ZNF737: variants seen among roughly 807,000 people sequenced by gnomAD.
ZNF737 encodes zinc finger protein 102 (Y3).
In ZNF737, 13 loss-of-function variants were observed where a neutral mutation model predicts 11.7. The ratio of observed to expected loss-of-function variants is 1.11; its 90% confidence interval spans 0.73 to 1.77. The LOEUF is 1.77. Among genes scored for constraint, ZNF737 ranks in the 40% most tolerant of loss-of-function variants. The probability of loss-of-function intolerance (pLI) is 0.00; values close to 1 mark genes in which losing one functional copy is unlikely to be tolerated. For synonymous variants in ZNF737, 217 were observed against 216.2 expected (o/e 1.00, Z -0.03); for missense variants, 636 against 638.0 (o/e 1.00, Z 0.03).
rs1234721320 is a variant in ZNF737 at position 20,541,353 on chromosome 19, A to C, written c.*3239T>G. ...TTAACTCTATGTAAATTAAAACTAAAAGTCTATGTGTTTGCAGGCAGAGAC... is the reference window on the plus strand; with the variant it reads ...TTAACTCTATGTAAATTAAAACTAACAGTCTATGTGTTTGCAGGCAGAGAC... On this transcript the variant is annotated 3_prime_UTR_variant, in exon 4 of 4. Coordinates refer to ENST00000427401, the MANE Select transcript of ZNF737 (RefSeq NM_001159293.2). The C allele has an allele frequency of 1.0e-6, 1 of 984,038 alleles. No homozygotes were observed. Among genetic ancestry groups the C allele is most frequent in the Non-Finnish European group, 1.2e-6 (1 of 828,792 alleles). The allele number at this position is 984,038 out of a possible 1,614,324, so 61.0% of individuals were successfully genotyped here. A position where few individuals can be genotyped will look rare whatever the true frequency, so the allele number is the denominator to read the frequency against.
At chr19:20,552,943 T>C (rs1264877848) in intron 2 of ZNF737, among the ~76,000 whole-genome samples, 1 of 148,694 alleles carries the variant, frequency 6.7e-6, no homozygotes, top group African/African-American at 2.5e-5. Context: ...ACCTGGGAGG[T>C]GGATGTTTCA....
Position 20,540,227 on chromosome 19 carries a change from T to C in ZNF737, c.*4365A>G. On this transcript the variant is annotated 3_prime_UTR_variant, in exon 4 of 4. Coordinates refer to ENST00000427401, the MANE Select transcript of ZNF737 (RefSeq NM_001159293.2). ...ACTTTCAGGCCAGCAGGGGTGTTTT[T>C]CTGTGATGTGTCTCTTTCTCTTAAA... 2 of 846,580 alleles carry C rather than the reference T, an allele frequency of 2.4e-6. No homozygotes were observed. Among genetic ancestry groups the C allele is most frequent in the African/African-American group, 1.8e-5 (1 of 54,360 alleles). 52.4% of individuals were successfully genotyped at this position (846,580 alleles called of 1,614,324 possible). A position where few individuals can be genotyped will look rare whatever the true frequency, so the allele number is the denominator to read the frequency against.
rs782337132 is a variant in ZNF737, at chr19:20,545,797, ATT to A, written c.404_405del (p.Gln135LeufsTer13). On this transcript the variant is annotated frameshift_variant, in exon 4 of 4. Coordinates refer to ENST00000427401, the MANE Select transcript of ZNF737 (RefSeq NM_001159293.2). LOFTEE classifies it low-confidence loss of function (END_TRUNC). ...VHKRGYNGLN[Q>X]YLTTTQSKIF... ...ATTTTGCTTTGAGTAGTTGTCAAAT[ATT>A]GGTTAAGTCCATTATAACCTCTTTT... 1.9e-6 allele frequency: 3 copies of A among 1,613,168 alleles called. No homozygotes were observed. The highest frequency in any genetic ancestry group is 2.2e-5 in the South Asian group (2 of 90,874).
At position 20,541,951 on chromosome 19, in the gene ZNF737, A is replaced by C; in HGVS notation, c.*2641T>G. ...CCATATAAGGCATAAATATATACAC[A>C]TATTATATACCCACGAATACAAATA... On this transcript the variant is annotated 3_prime_UTR_variant, in exon 4 of 4. Transcript: ENST00000427401. 2 of 882,576 alleles carry C rather than the reference A, an allele frequency of 2.3e-6. No homozygotes were observed. The highest frequency in any genetic ancestry group is 2.7e-6 in the Non-Finnish European group (2 of 736,950). 54.7% of individuals were successfully genotyped at this position (882,576 alleles called of 1,614,324 possible). A position where few individuals can be genotyped will look rare whatever the true frequency, so the allele number is the denominator to read the frequency against.
rs1568426056 is a variant in ZNF737, at chr19:20,544,869, CTCTTA to C, written c.1329_1333del (p.His443GlnfsTer12). ...GTAGGGTTTCTCTCCAGTATGAATT[CTCTTA>C]TGTGTAGTAAGGATAGAGAAGCACT... On this transcript the variant is annotated frameshift_variant, in exon 4 of 4. Transcript: ENST00000427401. LOFTEE classifies it low-confidence loss of function (END_TRUNC). 6.2e-7 allele frequency: 1 copy of C among 1,605,996 alleles called. No individual in the cohort carries two copies. The highest frequency in any genetic ancestry group is 8.5e-7 in the Non-Finnish European group (1 of 1,177,642).
Position 20,545,470 on chromosome 19 carries a change from TAAGG to T in ZNF737, c.729_732del (p.Tyr243Ter), listed in dbSNP as rs782506129. 5 of 1,613,604 alleles carry T rather than the reference TAAGG, an allele frequency of 3.1e-6. No individual in the cohort carries two copies. The African/African-American group carries it at 6.7e-5, about 22-fold the overall frequency. On this transcript the variant is annotated frameshift_variant, in exon 4 of 4. Transcript: ENST00000427401. LOFTEE classifies it low-confidence loss of function (END_TRUNC). ...CCACTATGAATTATCTTATGTGCAG[TAAGG>T]TATGAAAACCGGCTAAAGGCTTTGC...
intron 2 of ZNF737, among the ~76,000 whole-genome samples, chr19:20,552,864 T>G (rs1040797628): frequency 6.6e-6 from 1 of 151,740 alleles, no homozygotes; most frequent in Admixed American, 6.6e-5. Context: ...ATACAAACAT[T>G]AGCCAAACAC....
rs139042373 is a variant in ZNF737, at chr19:20,553,814, C to G, written c.25G>C (p.Val9Leu). The change falls in exon 2 of 4, where the codon GTG (valine) becomes CTG (leucine). Residue 9 changes from valine to leucine, a missense_variant. By Grantham distance (32) the Val-to-Leu change is conservative. Coordinates refer to ENST00000427401, the MANE Select transcript of ZNF737 (RefSeq NM_001159293.2). ...TCCTCCAGAGAGAATTCTATGGCCA[C>G]GTCTCTAAATTGCAATGGCCCCTGA... MGPLQFRD[V>L]AIEFSLEEWH... The G allele has an allele frequency of 3.1e-6, 5 of 1,613,714 alleles. No individual in the cohort carries two copies. The highest frequency in any genetic ancestry group is 4.2e-6 in the Non-Finnish European group (5 of 1,179,896).
downstream of ZNF737, among the ~76,000 whole-genome samples, chr19:20,535,538 T>C (rs1967938079): frequency 6.6e-6 from 1 of 151,622 alleles, no homozygotes; most frequent in African/African-American, 2.4e-5. Flanking sequence ...GTTTTTTTTT[T>C]TTTTGAGATG....
chr19:20,542,064 T>C lies in ZNF737; in HGVS notation c.*2528A>G, dbSNP rs944489379. The C allele has an allele frequency of 1.2e-5, 12 of 985,232 alleles. No individual in the cohort carries two copies. The highest frequency in any genetic ancestry group is 1.4e-5 in the Non-Finnish European group (12 of 829,754). The allele number at this position is 985,232 out of a possible 1,614,324, so 61.0% of individuals were successfully genotyped here. ...GTTTAAAGCCACTGACAGTGATTAC[T>C]AAAGATGTTATTTTACAATGTATGA... On this transcript the variant is annotated 3_prime_UTR_variant, in exon 4 of 4. Transcript: ENST00000427401.
downstream of ZNF737, among the ~76,000 whole-genome samples, chr19:20,534,481 C>CTATT (rs139979098): frequency 6.7e-6 from 1 of 149,480 alleles, no homozygotes; most frequent in African/African-American, 2.5e-5. Flanking sequence ...ATCTATCTAT[C>CTATT]TATCTATCTA....
At chr19:20,533,342 A>G (rs1164519194), downstream of ZNF737, among the ~76,000 whole-genome samples, 5 of 150,038 alleles carry the variant, frequency 3.3e-5, 1 homozygote, top group African/African-American at 9.9e-5. Flanking sequence ...ATAGCTATCA[A>G]TACTTCCACA....
At chr19:20,562,477 A>G (rs1210550623) in intron 1 of ZNF737, among the ~76,000 whole-genome samples, 1 of 151,508 alleles carries the variant, frequency 6.6e-6, no homozygotes, top group Non-Finnish European at 1.5e-5. Context: ...CCTCATGAGT[A>G]GCTGGGATTA....
chr19:20,544,026 G>T lies in ZNF737; in HGVS notation c.*566C>A. The stretch of plus-strand genomic sequence containing the variant: ...ACCTGTAATCCCAGCTACTCAGGAA[G>T]CTGAGGTAGGAGAATGGCTTAAACC... On this transcript the variant is annotated 3_prime_UTR_variant, in exon 4 of 4. Transcript: ENST00000427401. 1 of 674,846 alleles carries T rather than the reference G, an allele frequency of 1.5e-6. No homozygotes were observed. The highest frequency in any genetic ancestry group is 1.8e-6 in the Non-Finnish European group (1 of 546,702). 41.8% of individuals were successfully genotyped at this position (674,846 alleles called of 1,614,324 possible).
intron 3 of ZNF737, among the ~76,000 whole-genome samples, chr19:20,549,683 A>T (rs890187684): frequency 1.3e-5 from 2 of 152,098 alleles, no homozygotes; most frequent in African/African-American, 4.8e-5. Flanking sequence ...TTATCTCAAC[A>T]CTTTGGGAGG....
At chr19:20,560,339 C>G (rs1382869458) in intron 1 of ZNF737, among the ~76,000 whole-genome samples, 1 of 151,330 alleles carries the variant, frequency 6.6e-6, no homozygotes, top group Non-Finnish European at 1.5e-5. Flanking sequence ...ATAAGGGAGA[C>G]TCTGTCTCCA....
chr19:20,538,513 T>C lies in ZNF737; in HGVS notation c.*6079A>G. On this transcript the variant is annotated 3_prime_UTR_variant, in exon 4 of 4. Transcript: ENST00000427401. ...GTGGACACGTCAAGTTATAAATGAC[T>C]CTGTCTCCTCTGTTCAGTGTACTCG... 3.4e-6 allele frequency: 1 copy of C among 293,538 alleles called. No individual in the cohort carries two copies. Among genetic ancestry groups the C allele is most frequent in the Non-Finnish European group, 5.1e-6 (1 of 197,460 alleles). 18.2% of individuals were successfully genotyped at this position (293,538 alleles called of 1,614,324 possible).
downstream of ZNF737, among the ~76,000 whole-genome samples, chr19:20,536,495 G>T (rs1487934519): frequency 7.2e-5 from 11 of 152,140 alleles, no homozygotes; most frequent in Admixed American, 7.2e-4. Flanking sequence ...TCCTAGGAAA[G>T]CACGTCGTGC....
At chr19:20,553,934 G>A in intron 1 of ZNF737, 99 bp from the exon 2 acceptor site, 1 of 1,367,590 alleles carries the variant, frequency 7.3e-7, no homozygotes, top group Non-Finnish European at 1.0e-6. Context: ...AAATGGTTCT[G>A]ACTTATAGGA....
Sources: gnomAD v4.1 joint callset for allele counts (sites outside exome capture counted in the v4.1 genomes callset) on GRCh38, gnomAD v4.1.1 for gene constraint, MANE v1.5 for transcripts, NCBI Gene and HGNC (gene_info 2026-07-23, HGNC 2026-07-21) for gene names.